The following COL27A1 variants were observed in gnomAD, a reference collection of about 807,000 sequenced individuals.
COL27A1 encodes the protein collagen alpha-1(XXVII) chain.
In COL27A1, 106 loss-of-function variants were observed where a neutral mutation model predicts 251.3. That is an observed-to-expected ratio of 0.42 (90% confidence interval 0.36 to 0.50). The LOEUF is 0.50. COL27A1 is among the 20% of genes least tolerant of loss of function. The pLI, the probability that COL27A1 is intolerant of heterozygous loss-of-function variation, is 0.00. For missense variants in COL27A1, 2,325 were observed against 2,522.8 expected (o/e 0.92, Z 1.68); for synonymous variants, 1,000 against 986.3 (o/e 1.01, Z -0.26).
At position 114,231,792 on chromosome 9, in the gene COL27A1, TC is replaced by T. The variant is rs745982763; in HGVS notation, c.2521-29del. 1.6e-5 allele frequency: 26 copies of T among 1,613,812 alleles called. 2 individuals are homozygous for T. In the South Asian group the frequency reaches 2.9e-4, roughly 18 times the overall value. ...CTGACTTCTGTGGCCTAGAGTCCCA[TC>T]ACAGCTGGCCTTGGGCTTTGTCTTG... On this transcript the variant is annotated intron_variant, in intron 15 of 60. Coordinates refer to ENST00000356083, the MANE Select transcript of COL27A1 (RefSeq NM_032888.4).
chr9:114,290,982 G>A lies in COL27A1; in HGVS notation c.4476+65G>A. On this transcript the variant is annotated intron_variant, in intron 48 of 60. Transcript: ENST00000356083. The surrounding 1 kb of genome is among the most constrained non-coding windows in gnomAD (Gnocchi z 4.6). ...TTCTGCCTTGATGCAGACTCTAGTG[G>A]TTCCGACCCTTTGGGCACCCATGTC... The A allele has an allele frequency of 8.0e-7, 1 of 1,250,496 alleles. No individual in the cohort carries two copies. The highest frequency in any genetic ancestry group is 1.1e-6 in the Non-Finnish European group (1 of 894,246). The allele number at this position is 1,250,496 out of a possible 1,614,324, so 77.5% of individuals were successfully genotyped here.
chr9:114,283,635 G>A (rs1836067070), intron 39 of COL27A1, 74 bp from the exon 40 acceptor site: 2 of 1,407,524 alleles, frequency 1.4e-6, no homozygotes, highest in Non-Finnish European at 2.0e-6. Context: ...CGGGGCTGGA[G>A]CCTGCAGGGA....
intron 49 of COL27A1, among the ~76,000 whole-genome samples, chr9:114,297,264 G>A (rs1412503694): frequency 6.6e-6 from 1 of 152,120 alleles, no homozygotes; most frequent in African/African-American, 2.4e-5. Context: ...CACCTGATGG[G>A]TGTATAGGAG....
At chr9:114,310,001 T>C (rs1162095717) in intron 60 of COL27A1, among the ~76,000 whole-genome samples, 1 of 152,244 alleles carries the variant, frequency 6.6e-6, no homozygotes, top group Non-Finnish European at 1.5e-5. Flanking sequence ...TGGTAGAGGC[T>C]TTCTGGATAG....
intron 2 of COL27A1, 64 bp downstream of exon 2, chr9:114,162,849 G>A: frequency 1.7e-6 from 2 of 1,198,594 alleles, no homozygotes; most frequent in South Asian, 1.3e-5. Context: ...TGAGAACTCA[G>A]GGGTAGGAGA....
Position 114,310,845 on chromosome 9 carries a change from G to C in COL27A1, c.*150G>C, listed in dbSNP as rs1829397098. 1 of 715,164 alleles carries C rather than the reference G, an allele frequency of 1.4e-6. No individual in the cohort carries two copies. The highest frequency in any genetic ancestry group is 2.3e-6 in the Non-Finnish European group (1 of 440,786). 44.3% of individuals were successfully genotyped at this position (715,164 alleles called of 1,614,324 possible). A position where few individuals can be genotyped will look rare whatever the true frequency, so the allele number is the denominator to read the frequency against. ...CCCAGCTGTTGTCTGCCCAGTAGAA[G>C]TGGGTGGGGGTAGGAGGGGATAGGG... On this transcript the variant is annotated 3_prime_UTR_variant, in exon 61 of 61. Transcript: ENST00000356083.
At chr9:114,196,845 T>G (rs1356996295) in intron 7 of COL27A1, among the ~76,000 whole-genome samples, 1 of 152,098 alleles carries the variant, frequency 6.6e-6, no homozygotes, top group Admixed American at 6.5e-5. Flanking sequence ...AGCCTGTGTC[T>G]CCCTTCCTTC....
At chr9:114,165,065 T>G (rs1306026110) in intron 2 of COL27A1, among the ~76,000 whole-genome samples, 2 of 152,210 alleles carry the variant, frequency 1.3e-5, no homozygotes. Context: ...AATGTGGGGC[T>G]TGGGTGAAGA....
At chr9:114,217,687 C>A in intron 12 of COL27A1, 1 of 448,454 alleles carries the variant, frequency 2.2e-6, no homozygotes, top group Non-Finnish European at 4.6e-6. Context: ...AGTTCTGTCC[C>A]TTGTAGGCCA....
chr9:114,307,673 C>T lies in COL27A1; in HGVS notation c.5112C>T (p.Thr1704=). The change falls in exon 59 of 61, where the codon ACC becomes ACT. Residue 1704 remains threonine (T), a synonymous_variant. Coordinates refer to ENST00000356083, the MANE Select transcript of COL27A1 (RefSeq NM_032888.4). ...TCCATCCCACGCTGCCTGCAGGTAC[C>T]TACTGGGTGGATCCAAACCTTGGCT... The part of the protein sequence containing the change: ...MDCEQKMVDG[T]YWVDPNLGCS... 5 of 1,612,820 alleles carry T rather than the reference C, an allele frequency of 3.1e-6. No homozygotes were observed. The highest frequency in any genetic ancestry group is 4.2e-6 in the Non-Finnish European group (5 of 1,178,782).
rs1227682077 is a variant in COL27A1, at chr9:114,284,778, G to T, written c.3987+1G>T. The T allele has an allele frequency of 6.2e-7, 1 of 1,614,098 alleles. No individual in the cohort carries two copies. The highest frequency in any genetic ancestry group is 8.5e-7 in the Non-Finnish European group (1 of 1,180,030). ...ACCTCCTGGACCAAAAGGCGAAAAG[G>T]TGGGTGTTTGCTCTGGGGAAAGCAG... On this transcript the variant is annotated splice_donor_variant, in intron 41 of 60. Transcript: ENST00000356083. LOFTEE classifies it high-confidence loss of function.
At chr9:114,216,406 A>G (rs1382655311) in intron 12 of COL27A1, among the ~76,000 whole-genome samples, 2 of 152,214 alleles carry the variant, frequency 1.3e-5, no homozygotes, top group African/African-American at 4.8e-5. Context: ...GCATGGCCAG[A>G]GAGAGGGAAG....
intron 22 of COL27A1, among the ~76,000 whole-genome samples, chr9:114,242,771 A>C (rs1832846442): frequency 6.6e-6 from 1 of 152,266 alleles, no homozygotes; most frequent in Non-Finnish European, 1.5e-5. Flanking sequence ...GAGATTAGTA[A>C]TTAAAACCAA....
At chr9:114,245,152 T>TGTTTG (rs200019697) in intron 23 of COL27A1, among the ~76,000 whole-genome samples, 2 of 126,658 alleles carry the variant, frequency 1.6e-5, no homozygotes, top group African/African-American at 6.1e-5. Context: ...ATTCTTGTTT[T>TGTTTG]TTTTTTTTTT....
chr9:114,181,359 G>A (rs1412087549), intron 4 of COL27A1, among the ~76,000 whole-genome samples: 2 of 152,166 alleles, frequency 1.3e-5, no homozygotes, highest in East Asian at 1.9e-4. Flanking sequence ...GTTCCTTGCC[G>A]GTGCATTCGG....
intron 19 of COL27A1, among the ~76,000 whole-genome samples, chr9:114,239,885 G>A (rs1832632936): frequency 6.6e-6 from 1 of 152,178 alleles, no homozygotes; most frequent in Non-Finnish European, 1.5e-5. Flanking sequence ...GGCTGGCTCT[G>A]GGGAGCAATG....
chr9:114,160,693 A>G (rs1330165330), intron 1 of COL27A1, among the ~76,000 whole-genome samples: 1 of 152,112 alleles, frequency 6.6e-6, no homozygotes, highest in Non-Finnish European at 1.5e-5. Context: ...TGAAAAAAAA[A>G]AAAAGAGTGA....
chr9:114,233,836 G>A (rs1028640872), intron 16 of COL27A1, among the ~76,000 whole-genome samples: 2 of 152,056 alleles, frequency 1.3e-5, no homozygotes, highest in African/African-American at 2.4e-5. Flanking sequence ...ATGTCTTTAG[G>A]GGAAAAAAGA....
At chr9:114,302,358 G>T (rs1043495639) in intron 56 of COL27A1, among the ~76,000 whole-genome samples, 3 of 152,160 alleles carry the variant, frequency 2.0e-5, no homozygotes, top group African/African-American at 7.2e-5. Context: ...CCAGCCACCG[G>T]GTTCATGGCC....
Sources: gnomAD v4.1 joint callset for allele counts (sites outside exome capture counted in the v4.1 genomes callset) on GRCh38, gnomAD v4.1.1 for gene constraint, Gnocchi (gnomAD v3.1) non-coding constraint, MANE v1.5 for transcripts, NCBI Gene and HGNC (gene_info 2026-07-23, HGNC 2026-07-21) for gene names.